ANXA8: variants seen among roughly 807,000 people sequenced by gnomAD.
The protein encoded by ANXA8 is annexin A8.
Under a neutral mutation model 26.8 loss-of-function variants are expected in ANXA8, and 9 were observed. The ratio of observed to expected loss-of-function variants is 0.34; its 90% confidence interval spans 0.20 to 0.59. The LOEUF is 0.59. ANXA8 is among the 20% of genes least tolerant of loss of function. The pLI, the probability that ANXA8 is intolerant of heterozygous loss-of-function variation, is 0.84. For missense variants in ANXA8, 83 were observed against 238.5 expected (o/e 0.35, Z 4.29); for synonymous variants, 39 against 94.8 (o/e 0.41, Z 3.42).
chr10:47,514,113 C>T, the ANXA8 span, among the ~76,000 whole-genome samples: 77 of 140,630 alleles, frequency 5.5e-4, 7 homozygotes, highest in African/African-American at 1.9e-3. Context: ...AGGAAATCTT[C>T]GCAGTCTATA....
At chr10:47,777,114 A>G in the ANXA8 span, among the ~76,000 whole-genome samples, 1 of 151,946 alleles carries the variant, frequency 6.6e-6, no homozygotes, top group African/African-American at 2.4e-5. Context: ...AGATAAAAAA[A>G]CAAGAATTCT....
the ANXA8 span, among the ~76,000 whole-genome samples, chr10:47,553,041 G>A: frequency 5.0e-4 from 76 of 152,120 alleles, no homozygotes; most frequent in Middle Eastern, 0.01. Flanking sequence ...AACACTGGCC[G>A]GGAGTTAGGA....
upstream of ANXA8, among the ~76,000 whole-genome samples, chr10:47,487,709 A>T (rs1840072277): frequency 6.9e-6 from 1 of 145,218 alleles, no homozygotes; most frequent in Non-Finnish European, 1.5e-5. Context: ...GTTATATTGG[A>T]TTATCATTTT....
the ANXA8 span, among the ~76,000 whole-genome samples, chr10:47,558,645 C>A: frequency 4.6e-5 from 7 of 151,600 alleles, no homozygotes; most frequent in Non-Finnish European, 1.5e-5. Flanking sequence ...CTCAGCCTCC[C>A]AATGTGCTAG....
chr10:47,659,598 C>A, the ANXA8 span, among the ~76,000 whole-genome samples: 1 of 151,068 alleles, frequency 6.6e-6, no homozygotes, highest in Non-Finnish European at 1.5e-5. Flanking sequence ...ATTGCTTGAA[C>A]CCGGGAGGCA....
the ANXA8 span, among the ~76,000 whole-genome samples, chr10:47,572,561 G>GA: frequency 6.6e-6 from 1 of 150,948 alleles, no homozygotes; most frequent in African/African-American, 2.5e-5. Flanking sequence ...ACTAAAAATA[G>GA]AAAAAAGTAG....
the ANXA8 span, among the ~76,000 whole-genome samples, chr10:47,585,148 A>C: frequency 7.1e-6 from 1 of 140,140 alleles, no homozygotes; most frequent in Non-Finnish European, 1.5e-5. Flanking sequence ...CTGTAATCCC[A>C]GCTACTCAGG....
At chr10:47,748,678 G>A in the ANXA8 span, among the ~76,000 whole-genome samples, 11 of 152,224 alleles carry the variant, frequency 7.2e-5, no homozygotes, top group Admixed American at 4.6e-4. Context: ...TTGTAGAGGG[G>A]GGGGATCTTG....
the ANXA8 span, among the ~76,000 whole-genome samples, chr10:47,888,966 TTATAA>T: frequency 7.9e-5 from 5 of 63,388 alleles, no homozygotes; most frequent in Middle Eastern, 7.0e-3. Flanking sequence ...CAACATTTTC[TTATAA>T]TATAATATAT....
the ANXA8 span, among the ~76,000 whole-genome samples, chr10:47,612,081 ATT>A: frequency 7.7e-4 from 54 of 69,878 alleles, no homozygotes; most frequent in Admixed American, 1.4e-3. Flanking sequence ...GGGAAGTCAT[ATT>A]GGTCTAAGAA....
the ANXA8 span, chr10:47,502,471 T>G: frequency 6.2e-7 from 1 of 1,612,818 alleles, no homozygotes; most frequent in African/African-American, 1.3e-5. Flanking sequence ...TATTGAGGGT[T>G]TTGTCTGCCC....
At chr10:47,507,815 A>G in the ANXA8 span, among the ~76,000 whole-genome samples, 1 of 107,678 alleles carries the variant, frequency 9.3e-6, no homozygotes, top group Admixed American at 1.0e-4. Context: ...GTTGGTGATT[A>G]CAATATATAA....
the ANXA8 span, among the ~76,000 whole-genome samples, chr10:47,687,992 C>T: frequency 1.3e-5 from 2 of 151,796 alleles, no homozygotes; most frequent in South Asian, 2.1e-4. Flanking sequence ...CTCAGCTACT[C>T]GGTAGGTTGA....
At chr10:47,671,063 A>C in the ANXA8 span, among the ~76,000 whole-genome samples, 1 of 151,866 alleles carries the variant, frequency 6.6e-6, no homozygotes, top group African/African-American at 2.4e-5. Context: ...GAAGTTAGTT[A>C]CACCAATAAC....
the ANXA8 span, among the ~76,000 whole-genome samples, chr10:47,576,725 G>T: frequency 1.4e-4 from 21 of 150,472 alleles, no homozygotes; most frequent in African/African-American, 5.2e-4. Flanking sequence ...TCACCATGTT[G>T]CCCAGGCCAG....
At chr10:47,500,487 T>C in the ANXA8 span, among the ~76,000 whole-genome samples, 2 of 151,596 alleles carry the variant, frequency 1.3e-5, no homozygotes, top group African/African-American at 2.4e-5. Context: ...AAAACCACCC[T>C]GTCTTGCCAG....
upstream of ANXA8, among the ~76,000 whole-genome samples, chr10:47,484,989 C>T (rs1840006340): frequency 6.8e-6 from 1 of 147,310 alleles, no homozygotes; most frequent in African/African-American, 2.5e-5. Flanking sequence ...GGAGCCGCTG[C>T]AAACCTGGCC....
the ANXA8 span, chr10:47,491,674 T>G: frequency 1.3e-6 from 2 of 1,533,898 alleles, no homozygotes; most frequent in African/African-American, 1.4e-5. Flanking sequence ...CCTCCCAGCA[T>G]CGTGTGGCAG....
the ANXA8 span, among the ~76,000 whole-genome samples, chr10:47,736,575 T>G: frequency 5.3e-5 from 8 of 149,670 alleles, no homozygotes; most frequent in Non-Finnish European, 1.2e-4. Context: ...CTGAATGGCA[T>G]AAGTGAAAGA....
Sources: gnomAD v4.1 joint callset for allele counts (sites outside exome capture counted in the v4.1 genomes callset) on GRCh38, gnomAD v4.1.1 for gene constraint, MANE v1.5 for transcripts, NCBI Gene and HGNC (gene_info 2026-07-23, HGNC 2026-07-21) for gene names.